PHLDB2: variants seen among roughly 807,000 people sequenced by gnomAD.
The protein encoded by PHLDB2 is pleckstrin homology like domain family B member 2.
PHLDB2 carries 71 observed loss-of-function variants against 123.6 expected under a neutral mutation model. The ratio of observed to expected loss-of-function variants is 0.57; its 90% CI spans 0.47 to 0.70. PHLDB2 has a LOEUF of 0.70. Among genes scored for constraint, PHLDB2 ranks in the 30% least tolerant of loss-of-function variants. PHLDB2 has a pLI of 0.00. For synonymous variants in PHLDB2, 547 were observed against 541.6 expected, an observed-to-expected ratio of 1.01 and a Z score of -0.14; for missense variants, 1,446 against 1,519.5, an observed-to-expected ratio of 0.95 and a Z score of 0.80.
At chr3:111,740,348 T>A (rs2059582004) in intron 1 of PHLDB2, among the ~76,000 whole-genome samples, 1 of 122,694 alleles carries the variant, frequency 8.2e-6, no homozygotes, top group Non-Finnish European at 1.7e-5. Flanking sequence ...ATTGTCCTCA[T>A]TAAATATGAG....
intron 1 of PHLDB2, among the ~76,000 whole-genome samples, chr3:111,782,681 C>A (rs2060526142): frequency 6.6e-6 from 1 of 152,028 alleles, no homozygotes; most frequent in Admixed American, 6.6e-5. Context: ...CAAGTACTGA[C>A]CCCACTGGGT....
At chr3:111,958,796 A>G in intron 12 of PHLDB2, 1 of 450,646 alleles carries the variant, frequency 2.2e-6, no homozygotes, top group South Asian at 1.6e-5. Context: ...CAGAAACCAA[A>G]TAGTCTCAGG....
intron 1 of PHLDB2, among the ~76,000 whole-genome samples, chr3:111,880,244 A>C (rs903537696): frequency 1.3e-5 from 2 of 152,080 alleles, no homozygotes; most frequent in South Asian, 2.1e-4. Flanking sequence ...TGCTTTCCAT[A>C]GGGTACCATA....
rs921550447 is a variant in PHLDB2, at chr3:111,923,936, G to A, written c.2001+3517G>A. 4.6e-5 allele frequency among the ~76,000 whole-genome samples: 7 copies of A among 152,140 alleles called. No homozygotes were observed. In the East Asian group the frequency reaches 1.3e-3, roughly 29 times the overall value. Reference sequence around the variant, plus strand: ...GAAGAAATTAGACCATATTACTGTGGTTTGCATCACACTGTACTTGACTAT... The same window carrying A: ...GAAGAAATTAGACCATATTACTGTGATTTGCATCACACTGTACTTGACTAT... On this transcript the variant is annotated intron_variant, in intron 5 of 17. Transcript: ENST00000431670.
At chr3:111,880,246 G>A (rs2065870525) in intron 1 of PHLDB2, among the ~76,000 whole-genome samples, 1 of 151,916 alleles carries the variant, frequency 6.6e-6, no homozygotes, top group Non-Finnish European at 1.5e-5. Flanking sequence ...CTTTCCATAG[G>A]GTACCATAAT....
At chr3:111,870,670 G>A (rs1405145220) in intron 1 of PHLDB2, among the ~76,000 whole-genome samples, 1 of 151,892 alleles carries the variant, frequency 6.6e-6, no homozygotes, top group Non-Finnish European at 1.5e-5. Flanking sequence ...TTCCCCTCAG[G>A]CCCCATCTGC....
intron 1 of PHLDB2, among the ~76,000 whole-genome samples, chr3:111,807,029 T>A (rs557897777): frequency 6.6e-6 from 1 of 151,678 alleles, no homozygotes; most frequent in South Asian, 2.1e-4. Flanking sequence ...CGATTCTCAG[T>A]CCAGGACTTA....
chr3:111,752,197 C>T (rs1178129710), intron 1 of PHLDB2, among the ~76,000 whole-genome samples: 1 of 149,718 alleles, frequency 6.7e-6, no homozygotes, highest in Non-Finnish European at 1.5e-5. Context: ...CTCCGCATTT[C>T]TCTAGTCAGT....
chr3:111,784,839 T>G (rs980539513), intron 1 of PHLDB2, among the ~76,000 whole-genome samples: 1 of 152,166 alleles, frequency 6.6e-6, no homozygotes, highest in Non-Finnish European at 1.5e-5. Flanking sequence ...AATGGTCCAT[T>G]ACTTGAACAT....
At chr3:111,780,412 A>AAGAAGAAGAAGATT (rs1326616017) in intron 1 of PHLDB2, among the ~76,000 whole-genome samples, 1 of 116,680 alleles carries the variant, frequency 8.6e-6, no homozygotes, top group African/African-American at 3.4e-5. Context: ...AGAAGAAGAA[A>AAGAAGAAGAAGATT]AAGATTAGTT....
chr3:111,933,023 A>G (rs987357230), intron 6 of PHLDB2, among the ~76,000 whole-genome samples: 1 of 152,254 alleles, frequency 6.6e-6, no homozygotes, highest in Non-Finnish European at 1.5e-5. Context: ...TTATCAAGTT[A>G]TTCTTTGATC....
Position 111,940,606 on chromosome 3 carries a change from T to G in PHLDB2, c.2358T>G (p.Phe786Leu), listed in dbSNP as rs144188829. Residue 786 changes from phenylalanine to leucine, a missense_variant, in exon 8 of 18, where the codon TTT (phenylalanine) becomes TTG (leucine). Around this residue, in one of 3 missense-constraint regions of PHLDB2, gnomAD observed 594 missense variants for 646.0 expected, o/e 0.92. Transcript: ENST00000431670. ...VQQAQREQDH[F>L]VKEKNNLIMM... ...AGGCTCAGAGAGAGCAAGATCATTT[T>G]GTGAAAGAAAAGAATAATTTAATAA... 595 of 1,606,358 alleles carry G rather than the reference T, an allele frequency of 3.7e-4. 5 individuals are homozygous for G. In the African/African-American group the frequency reaches 6.4e-3, roughly 17 times the overall value.
intron 1 of PHLDB2, among the ~76,000 whole-genome samples, chr3:111,743,069 A>G (rs188486304): frequency 6.6e-6 from 1 of 152,316 alleles, no homozygotes; most frequent in East Asian, 1.9e-4. Context: ...TTGGGGTCCA[A>G]GTGGTATTTT....
rs538905684 is a variant in PHLDB2, at chr3:111,780,533, G to T, written c.-49+47830G>T. Among the ~76,000 whole-genome samples the T allele has an allele frequency of 2.0e-5, 3 of 151,682 alleles. No individual in the cohort carries two copies. In the South Asian group the frequency reaches 6.3e-4, roughly 32 times the overall value. ...ATGCTCTTAGACTTCTCAGCCTCCA[G>T]AACCATGAGCCAAAATAAATCTGTT... On this transcript the variant is annotated intron_variant, in intron 1 of 17. Coordinates refer to the PHLDB2 transcript ENST00000393923.
chr3:111,793,811 G>A (rs1429864844), intron 1 of PHLDB2, among the ~76,000 whole-genome samples: 1 of 151,760 alleles, frequency 6.6e-6, no homozygotes, highest in African/African-American at 2.4e-5. Flanking sequence ...AATGTCATCT[G>A]GGAGCTAGAA....
intron 1 of PHLDB2, among the ~76,000 whole-genome samples, chr3:111,838,247 C>T (rs1443053206): frequency 6.6e-6 from 1 of 152,088 alleles, no homozygotes; most frequent in Non-Finnish European, 1.5e-5. Context: ...GCAGTCTTCC[C>T]GCCTTTATCT....
At chr3:111,765,709 A>G (rs558145460) in intron 1 of PHLDB2, among the ~76,000 whole-genome samples, 1 of 152,340 alleles carries the variant, frequency 6.6e-6, no homozygotes, top group East Asian at 1.9e-4. Flanking sequence ...TGGTGACATC[A>G]GGGCTTGAAG....
Position 111,969,674 on chromosome 3 carries a change from T to C in PHLDB2, c.3316-16T>C. 1 of 1,603,826 alleles carries C rather than the reference T, an allele frequency of 6.2e-7. No individual in the cohort carries two copies. Among genetic ancestry groups the C allele is most frequent in the Non-Finnish European group, 8.5e-7 (1 of 1,171,078 alleles). On this transcript the variant is annotated splice_polypyrimidine_tract_variant and intron_variant, in intron 15 of 17. Coordinates refer to ENST00000431670, the MANE Select transcript of PHLDB2 (RefSeq NM_001134438.2). Reference sequence around the variant, plus strand: ...AATAATTAGCTATAGATGCAATGGGTTTTGCACTTTTCCAGGCTCGTCCTT... The same window carrying C: ...AATAATTAGCTATAGATGCAATGGGCTTTGCACTTTTCCAGGCTCGTCCTT...
chr3:111,805,286 C>T (rs1009987382), intron 1 of PHLDB2, among the ~76,000 whole-genome samples: 2 of 152,178 alleles, frequency 1.3e-5, no homozygotes, highest in South Asian at 2.1e-4. Flanking sequence ...TGGGGCCGGG[C>T]GCTGTGGCTC....
Sources: gnomAD v4.1 joint callset for allele counts (sites outside exome capture counted in the v4.1 genomes callset) on GRCh38, gnomAD v4.1.1 for gene constraint, gnomAD v4.1.1 regional missense constraint, MANE v1.5 for transcripts, NCBI Gene and HGNC (gene_info 2026-07-23, HGNC 2026-07-21) for gene names.